UBL3: variants seen among roughly 807,000 people sequenced by gnomAD.
The protein encoded by UBL3 is ubiquitin like 3.
In UBL3, 6 loss-of-function variants were observed where a neutral mutation model predicts 18.4. That is an observed-to-expected ratio of 0.33 (90% CI 0.18 to 0.64). The LOEUF (loss-of-function observed/expected upper bound fraction) is 0.64. Among genes scored for constraint, UBL3 ranks in the 30% least tolerant of loss-of-function variants. UBL3 has a pLI of 0.76. For missense variants in UBL3, 109 were observed against 142.9 expected, an observed-to-expected ratio of 0.76 and a Z score of 1.21; for synonymous variants, 49 against 46.6, an observed-to-expected ratio of 1.05 and a Z score of -0.21.
chr13:29,789,855 A>G (rs1246043319), intron 1 of UBL3, among the ~76,000 whole-genome samples: 1 of 152,234 alleles, frequency 6.6e-6, no homozygotes, highest in African/African-American at 2.4e-5. Flanking sequence ...GGGGAATGTA[A>G]GAATGACTCC....
intron 1 of UBL3, among the ~76,000 whole-genome samples, chr13:29,838,373 T>C (rs1879013564): frequency 1.3e-5 from 2 of 152,184 alleles, no homozygotes; most frequent in South Asian, 2.1e-4. Flanking sequence ...AATGAAGACC[T>C]CCAGAAAGGT....
At chr13:29,835,976 T>C (rs1027903034) in intron 1 of UBL3, among the ~76,000 whole-genome samples, 10 of 152,094 alleles carry the variant, frequency 6.6e-5, no homozygotes, top group Admixed American at 3.3e-4. Flanking sequence ...TTTTATTCTA[T>C]GGAAATTTAT....
chr13:29,834,533 T>C (rs1878869670), intron 1 of UBL3, among the ~76,000 whole-genome samples: 1 of 152,180 alleles, frequency 6.6e-6, no homozygotes, highest in Admixed American at 6.5e-5. Context: ...CAAACTTCAG[T>C]TAATGCTTTC....
chr13:29,822,201 T>G (rs905627375), intron 1 of UBL3, among the ~76,000 whole-genome samples: 1 of 152,246 alleles, frequency 6.6e-6, no homozygotes, highest in African/African-American at 2.4e-5. Flanking sequence ...TTGTTTTTAC[T>G]TCATTTACTT....
At chr13:29,800,977 G>A (rs955931628) in intron 1 of UBL3, among the ~76,000 whole-genome samples, 7 of 152,140 alleles carry the variant, frequency 4.6e-5, no homozygotes, top group Non-Finnish European at 7.4e-5. Context: ...TTTCACCTCC[G>A]GGTAGGGACA....
chr13:29,778,886 G>A (rs886995758), intron 1 of UBL3, among the ~76,000 whole-genome samples: 13 of 152,126 alleles, frequency 8.5e-5, no homozygotes, highest in African/African-American at 3.1e-4. Context: ...ATTAGAACCT[G>A]TATTCTATCT....
rs1305420428 is a variant in UBL3 at position 29,767,049 on chromosome 13, A to C, written c.*206T>G. ...TATGTGTTAAAACAGCTCAACAAAA[A>C]ATACAAGAAATAAAAAATCAGAGTG... On this transcript the variant is annotated 3_prime_UTR_variant, in exon 5 of 5. Transcript: ENST00000380680. 6.5e-6 allele frequency: 3 copies of C among 464,160 alleles called. No individual in the cohort carries two copies. The highest frequency in any genetic ancestry group is 1.1e-5 in the Non-Finnish European group (3 of 270,558). 28.8% of individuals were successfully genotyped at this position (464,160 alleles called of 1,614,324 possible).
chr13:29,810,943 A>G lies in UBL3; in HGVS notation c.28-33680T>C, dbSNP rs1270771165. Among the ~76,000 whole-genome samples, 15 of 152,094 alleles carry G rather than the reference A, an allele frequency of 9.9e-5. 1 individual carries two copies. The highest frequency in any genetic ancestry group is 2.2e-4 in the Non-Finnish European group (15 of 68,004). On this transcript the variant is annotated intron_variant, in intron 1 of 4. Coordinates refer to ENST00000380680, the MANE Select transcript of UBL3 (RefSeq NM_007106.4). Reference sequence around the variant, plus strand: ...TTTACAATAAAGACCTGGAAAACGTACTCAACTTTTACTAGCTATGTATAG... The same window carrying G: ...TTTACAATAAAGACCTGGAAAACGTGCTCAACTTTTACTAGCTATGTATAG...
At chr13:29,819,720 G>C (rs7993370) in intron 1 of UBL3, among the ~76,000 whole-genome samples, 3 of 151,970 alleles carry the variant, frequency 2.0e-5, no homozygotes, top group Non-Finnish European at 1.5e-5. Context: ...GTAAAAGTTA[G>C]AAGAGAACCA....
chr13:29,790,946 C>T (rs1877465236), intron 1 of UBL3, among the ~76,000 whole-genome samples: 1 of 152,176 alleles, frequency 6.6e-6, no homozygotes, highest in African/African-American at 2.4e-5. Context: ...CTTCCACTGT[C>T]ACCCATTTGG....
chr13:29,778,643 G>C (rs1005302155), intron 1 of UBL3, among the ~76,000 whole-genome samples: 5 of 152,118 alleles, frequency 3.3e-5, no homozygotes, highest in African/African-American at 1.2e-4. Context: ...TCTTTAAGAT[G>C]TCAGAGTCTA....
rs1327174142 is a variant in UBL3, at chr13:29,795,707, G to A, written c.28-18444C>T. Among the ~76,000 whole-genome samples the A allele has an allele frequency of 2.1e-5, 3 of 144,724 alleles. No homozygotes were observed. In the Admixed American group the frequency reaches 2.1e-4, roughly 10 times the overall value. The allele number at this position is 144,724 out of a possible 152,430, so 94.9% of individuals were successfully genotyped here. On this transcript the variant is annotated intron_variant, in intron 1 of 4. Coordinates refer to ENST00000380680, the MANE Select transcript of UBL3 (RefSeq NM_007106.4). Reference sequence around the variant, plus strand: ...GGCTGAGGCAGGAGGATCACTTGAGGCCAGGAGTTCAAGACCAGCCTGGGC... The same window carrying A: ...GGCTGAGGCAGGAGGATCACTTGAGACCAGGAGTTCAAGACCAGCCTGGGC...
At chr13:29,810,232 ATAAC>A (rs1325819892) in intron 1 of UBL3, among the ~76,000 whole-genome samples, 2 of 152,132 alleles carry the variant, frequency 1.3e-5, no homozygotes, top group African/African-American at 4.8e-5. Context: ...GATGTTAAAA[ATAAC>A]TGGCCACGTG....
chr13:29,779,941 G>A (rs1052531475), intron 1 of UBL3, among the ~76,000 whole-genome samples: 1 of 152,140 alleles, frequency 6.6e-6, no homozygotes, highest in East Asian at 1.9e-4. Flanking sequence ...GAAAGAGCTC[G>A]GCTCCTATGC....
intron 1 of UBL3, among the ~76,000 whole-genome samples, chr13:29,837,627 T>C (rs1319366495): frequency 6.6e-6 from 1 of 152,052 alleles, no homozygotes; most frequent in African/African-American, 2.4e-5. Context: ...TTTGTAATCA[T>C]GCCTGTAATC....
Position 29,765,110 on chromosome 13 carries a change from C to A in UBL3, c.*2145G>T, listed in dbSNP as rs1389360420. 6.6e-6 allele frequency: 1 copy of A among 151,756 alleles called. No individual in the cohort carries two copies. The highest frequency in any genetic ancestry group is 1.5e-5 in the Non-Finnish European group (1 of 67,938). 9.4% of individuals were successfully genotyped at this position (151,756 alleles called of 1,614,324 possible). On this transcript the variant is annotated 3_prime_UTR_variant, in exon 5 of 5. Transcript: ENST00000380680. ...TTGAGGGAAATATATAATCTGAGAA[C>A]ACACAGAAAAATATATTGAAAAACC...
chr13:29,785,001 G>A (rs1216564718), intron 1 of UBL3, among the ~76,000 whole-genome samples: 3 of 152,206 alleles, frequency 2.0e-5, no homozygotes, highest in Non-Finnish European at 4.4e-5. Context: ...CGGCTCCCGG[G>A]TTCAGGCAAT....
rs151274977 is a variant in UBL3 at position 29,783,656 on chromosome 13, T to C, written c.28-6393A>G. ...CTCAGTAAATGTATGACAATTTCTA[T>C]AAATGTGAGCTTGTTCCTTTAAAAT... On this transcript the variant is annotated intron_variant, in intron 1 of 4. Coordinates refer to ENST00000380680, the MANE Select transcript of UBL3 (RefSeq NM_007106.4). Among the ~76,000 whole-genome samples the C allele has an allele frequency of 7.9e-3, 1,208 of 152,340 alleles. 17 individuals are homozygous for C. The highest frequency in any genetic ancestry group is 0.028 in the African/African-American group (1,149 of 41,576).
At chr13:29,802,641 TA>T (rs1877802077) in intron 1 of UBL3, among the ~76,000 whole-genome samples, 2 of 152,096 alleles carry the variant, frequency 1.3e-5, no homozygotes, top group Admixed American at 1.3e-4. Flanking sequence ...AAAAACACAC[TA>T]AAAGAATTTC....
Sources: gnomAD v4.1 joint callset for allele counts (sites outside exome capture counted in the v4.1 genomes callset) on GRCh38, gnomAD v4.1.1 for gene constraint, MANE v1.5 for transcripts, NCBI Gene and HGNC (gene_info 2026-07-23, HGNC 2026-07-21) for gene names.